DDHD2: variants seen among roughly 807,000 people sequenced by gnomAD.
DDHD2 encodes the protein DDHD domain containing 2.
A neutral mutation model predicts 91.2 loss-of-function variants in DDHD2; 62 were observed. The observed-to-expected ratio is 0.68, with a 90% CI of 0.55 to 0.84. The LOEUF (loss-of-function observed/expected upper bound fraction) is 0.84, where lower values mean the gene tolerates loss of function less well. Among genes scored for constraint, DDHD2 ranks in the 40% least tolerant of loss-of-function variants. DDHD2 has a pLI of 0.00. For synonymous variants in DDHD2, 271 were observed against 293.9 expected, an observed-to-expected ratio of 0.92 and a Z score of 0.80; for missense variants, 740 against 846.9, an observed-to-expected ratio of 0.87 and a Z score of 1.57.
At chr8:38,237,443 T>C in intron 3 of DDHD2, 95 bp from the exon 4 acceptor site, 1 of 614,568 alleles carries the variant, frequency 1.6e-6, no homozygotes, top group Non-Finnish European at 2.9e-6. Flanking sequence ...AGGATATTCT[T>C]ATTGAAACTC....
At chr8:38,240,404 T>A in intron 6 of DDHD2, 40 bp downstream of exon 6, 2 of 1,390,796 alleles carry the variant, frequency 1.4e-6, no homozygotes, top group Non-Finnish European at 2.0e-6. Flanking sequence ...TAATCAGTGC[T>A]CTTGTGAGCT....
chr8:38,266,166 T>C, downstream of DDHD2: 2 of 1,613,694 alleles, frequency 1.2e-6, no homozygotes, highest in Non-Finnish European at 1.7e-6. Flanking sequence ...TGTAGTCACA[T>C]GTGCGGGACA....
At chr8:38,235,871 G>GCA (rs1439175045) in intron 3 of DDHD2, among the ~76,000 whole-genome samples, 1 of 50,390 alleles carries the variant, frequency 2.0e-5, no homozygotes. Flanking sequence ...AAAAGTACAC[G>GCA]CGCACACACA....
intron 2 of DDHD2, among the ~76,000 whole-genome samples, chr8:38,233,523 A>G (rs1042421275): frequency 2.4e-4 from 37 of 152,156 alleles, no homozygotes; most frequent in Middle Eastern, 3.4e-3. Context: ...GGTTCAAGCA[A>G]TCTTTCTGAC....
At chr8:38,264,024 G>A (rs1395549117), downstream of DDHD2, 15 of 986,542 alleles carry the variant, frequency 1.5e-5, no homozygotes, top group Non-Finnish European at 1.7e-5. Context: ...TCATTTGGAG[G>A]CAGAATACAG....
At chr8:38,271,135 A>C (rs1250338923) in exon 2 of DDHD2, 1 of 152,200 alleles carries the variant, frequency 6.6e-6, no homozygotes, top group East Asian at 1.9e-4. Flanking sequence ...TCTCTTCCTC[A>C]AATGTGTTCA....
chr8:38,272,273 C>T (rs1808500018), downstream of DDHD2: 2 of 152,136 alleles, frequency 1.3e-5, no homozygotes, highest in African/African-American at 2.4e-5. Context: ...TAAATGATTC[C>T]CCAACTCAGC....
Position 38,253,821 on chromosome 8 carries a change from T to TA in DDHD2, c.2054+104dup, listed in dbSNP as rs1806300212. 4 of 1,225,096 alleles carry TA rather than the reference T, an allele frequency of 3.3e-6. No individual in the cohort carries two copies. In the Admixed American group the frequency reaches 6.2e-5, roughly 19 times the overall value. 75.9% of individuals were successfully genotyped at this position (1,225,096 alleles called of 1,614,324 possible). Reference sequence around the variant, plus strand: ...TAGGCCAGGTGCATTGGCTCAGGCTTATAATCTCAGCACTTTGGGAGGCCA... The same window carrying TA: ...TAGGCCAGGTGCATTGGCTCAGGCTTAATAATCTCAGCACTTTGGGAGGCCA... On this transcript the variant is annotated intron_variant, in intron 16 of 17. Coordinates refer to ENST00000397166, the MANE Select transcript of DDHD2 (RefSeq NM_015214.3).
At chr8:38,260,243 T>A (rs557214181) in intron 17 of DDHD2, 96 bp downstream of exon 17, 117 of 631,508 alleles carry the variant, frequency 1.9e-4, no homozygotes, top group Non-Finnish European at 2.7e-4. Flanking sequence ...ATATACTAGC[T>A]GTTGCCTGTC....
At chr8:38,264,485 T>G, downstream of DDHD2, 1 of 1,553,106 alleles carries the variant, frequency 6.4e-7, no homozygotes, top group Non-Finnish European at 8.7e-7. Context: ...TTCTGTGCAG[T>G]GGAAAGTACA....
At chr8:38,233,255 C>G (rs755589382) in intron 2 of DDHD2, 41 bp downstream of exon 2, 46 of 1,483,490 alleles carry the variant, frequency 3.1e-5, no homozygotes, top group Non-Finnish European at 4.0e-5. Flanking sequence ...AAGACTCTCC[C>G]CTCTTCAAAC....
intron 3 of DDHD2, among the ~76,000 whole-genome samples, chr8:38,235,558 C>T (rs960658008): frequency 8.6e-5 from 13 of 151,530 alleles, no homozygotes; most frequent in Admixed American, 3.3e-4. Flanking sequence ...CTCGTCTCTA[C>T]TAAAAATACA....
intron 16 of DDHD2, among the ~76,000 whole-genome samples, chr8:38,259,090 GA>G (rs1806762067): frequency 6.6e-6 from 1 of 152,148 alleles, no homozygotes; most frequent in Non-Finnish European, 1.5e-5. Flanking sequence ...GGAACCTTAT[GA>G]TTGTATTACC....
At chr8:38,250,920 A>G (rs759031866) in intron 11 of DDHD2, 7 of 152,136 alleles carry the variant, frequency 4.6e-5, no homozygotes, top group Non-Finnish European at 1.0e-4. Flanking sequence ...TATAAATGGA[A>G]TGTCCTTTTG....
chr8:38,232,203 G>C (rs1369109353), intron 1 of DDHD2: 2 of 153,146 alleles, frequency 1.3e-5, no homozygotes, highest in African/African-American at 2.4e-5. Flanking sequence ...CCGTCCCGCC[G>C]GGCCCGCGCG....
chr8:38,242,170 A>G, intron 6 of DDHD2, 80 bp from the exon 7 acceptor site: 2 of 1,126,574 alleles, frequency 1.8e-6, no homozygotes, highest in Non-Finnish European at 2.5e-6. Flanking sequence ...TAGTTAGAGT[A>G]TAATTACATG....
chr8:38,250,629 A>G (rs893674890), intron 11 of DDHD2: 1 of 151,850 alleles, frequency 6.6e-6, no homozygotes, highest in African/African-American at 2.4e-5. Context: ...TTATTTATTT[A>G]TTTATTTTTT....
chr8:38,260,453 T>C lies in DDHD2; in HGVS notation c.*27-147T>C, dbSNP rs139415302. 5 of 187,564 alleles carry C rather than the reference T, an allele frequency of 2.7e-5. No individual in the cohort carries two copies. The East Asian group carries it at 5.3e-4, about 20-fold the overall frequency. The allele number at this position is 187,564 out of a possible 1,614,324, so 11.6% of individuals were successfully genotyped here. On this transcript the variant is annotated intron_variant, in intron 17 of 17. Transcript: ENST00000397166. Reference sequence around the variant, plus strand: ...CTAAGAGTTACTGTGGCAACAGTTATGATTTTAATTACCAACCACCCATCC... The same window carrying C: ...CTAAGAGTTACTGTGGCAACAGTTACGATTTTAATTACCAACCACCCATCC...
Position 38,231,717 on chromosome 8 carries a change from G to T in DDHD2, c.-151G>T, listed in dbSNP as rs540822556. ...CCCACTGGGAGCGCCGTGGCGCCTG[G>T]TGTTCGGCGCGAGCCCGGCGGGGCT... On this transcript the variant is annotated 5_prime_UTR_variant, in exon 1 of 18. Coordinates refer to ENST00000397166, the MANE Select transcript of DDHD2 (RefSeq NM_015214.3). The T allele has an allele frequency of 2.9e-4, 44 of 152,250 alleles. No homozygotes were observed. Among genetic ancestry groups the T allele is most frequent in the African/African-American group, 9.9e-4 (41 of 41,556 alleles). The allele number at this position is 152,250 out of a possible 1,614,324, so 9.4% of individuals were successfully genotyped here.
Sources: gnomAD v4.1 joint callset for allele counts (sites outside exome capture counted in the v4.1 genomes callset) on GRCh38, gnomAD v4.1.1 for gene constraint, MANE v1.5 for transcripts, NCBI Gene and HGNC (gene_info 2026-07-23, HGNC 2026-07-21) for gene names.